ZNF419: variants seen among roughly 807,000 people sequenced by gnomAD.
The protein encoded by ZNF419 is zinc finger protein 419, also known as zinc finger protein 419A.
Under a neutral mutation model 14.9 loss-of-function variants are expected in ZNF419, and 8 were observed. That is an observed-to-expected ratio of 0.54 (90% CI 0.32 to 0.97). The LOEUF (loss-of-function observed/expected upper bound fraction) is 0.97. ZNF419 is among the 50% of genes least tolerant of loss of function. ZNF419 has a pLI of 0.04. For missense variants in ZNF419, 595 were observed against 607.2 expected, an observed-to-expected ratio of 0.98 and a Z score of 0.21; for synonymous variants, 211 against 205.3, an observed-to-expected ratio of 1.03 and a Z score of -0.24.
chr19:57,492,722 C>A, intron 4 of ZNF419, 134 bp from the exon 5 acceptor site: 1 of 1,272,048 alleles, frequency 7.9e-7, no homozygotes, highest in Non-Finnish European at 1.1e-6. Flanking sequence ...CCCTTCCCTG[C>A]TGAGAGCTAG....
rs572483159 is a variant in ZNF419 at position 57,492,686 on chromosome 19, G to T, written c.299-170G>T. On this transcript the variant is annotated intron_variant, in intron 4 of 4. Coordinates refer to ENST00000221735, the MANE Select transcript of ZNF419 (RefSeq NM_024691.4). ...TGAGGCCTCCCCAAATCCTTGAGCT[G>T]GCCAGATTCAGCACTGCACAGCAGG... The T allele has an allele frequency of 2.7e-5, 25 of 941,056 alleles. No homozygotes were observed. In the South Asian group the frequency reaches 3.2e-4, roughly 12 times the overall value. 58.3% of individuals were successfully genotyped at this position (941,056 alleles called of 1,614,324 possible). A position where few individuals can be genotyped will look rare whatever the true frequency, so the allele number is the denominator to read the frequency against.
In ZNF419 at chr19:57,487,824, G is replaced by GGCACGGTGGCGAC. The variant is rs1455619597; in HGVS notation, c.-126_-114dup. The GGCACGGTGGCGAC allele has an allele frequency of 7.2e-7, 1 of 1,394,986 alleles. No individual in the cohort carries two copies. The highest frequency in any genetic ancestry group is 1.4e-5 in the African/African-American group (1 of 70,160). The allele number at this position is 1,394,986 out of a possible 1,614,324, so 86.4% of individuals were successfully genotyped here. A position where few individuals can be genotyped will look rare whatever the true frequency, so the allele number is the denominator to read the frequency against. On this transcript the variant is annotated 5_prime_UTR_variant, in exon 1 of 5. Coordinates refer to ENST00000221735, the MANE Select transcript of ZNF419 (RefSeq NM_024691.4). Reference sequence around the variant, plus strand: ...TGCGCTGAGGCGACCAGCGCCGGAAGGCACGGTGGCGACTCACGCTGTTCT... The same window carrying GGCACGGTGGCGAC: ...TGCGCTGAGGCGACCAGCGCCGGAAGGCACGGTGGCGACGCACGGTGGCGACTCACGCTGTTCT...
chr19:57,494,311 C>T lies in ZNF419; in HGVS notation c.*221C>T. 1 of 638,702 alleles carries T rather than the reference C, an allele frequency of 1.6e-6. No individual in the cohort carries two copies. Among genetic ancestry groups the T allele is most frequent in the Non-Finnish European group, 2.5e-6 (1 of 395,364 alleles). 39.6% of individuals were successfully genotyped at this position (638,702 alleles called of 1,614,324 possible). On this transcript the variant is annotated 3_prime_UTR_variant, in exon 5 of 5. Transcript: ENST00000221735. ...CCAGAAAGTTTACACTGGAGAAAGG[C>T]CTTAGGGTGACAGGTTATGTACTGT...
rs762294824 is a variant in ZNF419 at position 57,493,694 on chromosome 19, T to C, written c.1137T>C (p.Phe379=). ...ACAAGTGCAGCGACTGTGGGAAATT[T>C]TTTACCCAATGCTCAAGCCTCATGC... ...RPYKCSDCGK[F]FTQCSSLMQH... is the part of the protein sequence containing the mutation. The change falls in exon 5 of 5, where the codon TTT becomes TTC. Residue 379 remains phenylalanine, a synonymous_variant. Coordinates refer to ENST00000221735, the MANE Select transcript of ZNF419 (RefSeq NM_024691.4). 3.4e-5 allele frequency: 55 copies of C among 1,612,798 alleles called. No individual in the cohort carries two copies. Among genetic ancestry groups the C allele is most frequent in the Non-Finnish European group, 4.7e-5 (55 of 1,179,686 alleles).
At chr19:57,492,803 G>T (rs1358168657) in intron 4 of ZNF419, 53 bp from the exon 5 acceptor site, 9 of 1,611,172 alleles carry the variant, frequency 5.6e-6, no homozygotes, top group African/African-American at 1.3e-5. Context: ...TGAGAGTGCT[G>T]CCTCCTCACA....
Position 57,495,725 on chromosome 19 carries a change from C to CAAAAAAAAAAAAAAA in ZNF419, c.*1665_*1679dup, listed in dbSNP as rs532907966. On this transcript the variant is annotated 3_prime_UTR_variant, in exon 5 of 5. Coordinates refer to ENST00000221735, the MANE Select transcript of ZNF419 (RefSeq NM_024691.4). Reference sequence around the variant, plus strand: ...TGGGGCACAAAGCCAGACTCTGTCTCAAAAAAAAAAAAAAAAAAAAAAAAA... The same window carrying CAAAAAAAAAAAAAAA: ...TGGGGCACAAAGCCAGACTCTGTCTCAAAAAAAAAAAAAAAAAAAAAAAAAAAAAAAAAAAAAAAA... 2.0e-5 allele frequency: 1 copy of CAAAAAAAAAAAAAAA among 49,190 alleles called. No homozygotes were observed. Among genetic ancestry groups the CAAAAAAAAAAAAAAA allele is most frequent in the African/African-American group, 8.6e-5 (1 of 11,566 alleles). The allele number at this position is 49,190 out of a possible 1,614,324, so 3.0% of individuals were successfully genotyped here.
chr19:57,490,372 A>C, intron 2 of ZNF419, 187 bp downstream of exon 2: 1 of 427,462 alleles, frequency 2.3e-6, no homozygotes, highest in Non-Finnish European at 4.1e-6. Context: ...ATTTTCTTTT[A>C]AGACAGAGTT....
chr19:57,494,496 G>A lies in ZNF419; in HGVS notation c.*406G>A, dbSNP rs2089584147. 5.4e-6 allele frequency: 1 copy of A among 185,202 alleles called. No homozygotes were observed. The highest frequency in any genetic ancestry group is 1.1e-5 in the Non-Finnish European group (1 of 90,396). The allele number at this position is 185,202 out of a possible 1,614,324, so 11.5% of individuals were successfully genotyped here. ...TGAGAAGACAGCCCTCTGCCTTGGAGCTCCAGAGAGAGGGAGCCCTGTATT... is the reference window on the plus strand; with the variant it reads ...TGAGAAGACAGCCCTCTGCCTTGGAACTCCAGAGAGAGGGAGCCCTGTATT... On this transcript the variant is annotated 3_prime_UTR_variant, in exon 5 of 5. Coordinates refer to ENST00000221735, the MANE Select transcript of ZNF419 (RefSeq NM_024691.4).
In ZNF419 at chr19:57,495,615, A is replaced by G. The variant is rs1479223922; in HGVS notation, c.*1525A>G. ...GTGGCGGCTGCCTGTAGTTCCAGCT[A>G]TCCTGGAGGCTGAGGCAGGAGAATG... On this transcript the variant is annotated 3_prime_UTR_variant, in exon 5 of 5. Coordinates refer to ENST00000221735, the MANE Select transcript of ZNF419 (RefSeq NM_024691.4). 6.6e-6 allele frequency: 1 copy of G among 151,726 alleles called. No individual in the cohort carries two copies. The highest frequency in any genetic ancestry group is 1.5e-5 in the Non-Finnish European group (1 of 68,002). The allele number at this position is 151,726 out of a possible 1,614,324, so 9.4% of individuals were successfully genotyped here.
intron 3 of ZNF419, 61 bp downstream of exon 3, chr19:57,491,658 T>C: frequency 5.0e-6 from 8 of 1,613,684 alleles, no homozygotes; most frequent in Non-Finnish European, 5.9e-6. Flanking sequence ...CTCCTTTTCC[T>C]AGGGAGAGGT....
Position 57,490,158 on chromosome 19 carries a change from T to G in ZNF419, c.45T>G (p.Ala15=). The G allele has an allele frequency of 6.2e-7, 1 of 1,613,750 alleles. No individual in the cohort carries two copies. The highest frequency in any genetic ancestry group is 2.2e-5 in the East Asian group (1 of 44,866). ...ALRDPAQVPV[A]ADLLTDHEEG... ...TTGATTTTCCATAGGTTCCTGTGGCTGCAGACTTGCTTACAGACCATGAGG... is the reference window on the plus strand; with the variant it reads ...TTGATTTTCCATAGGTTCCTGTGGCGGCAGACTTGCTTACAGACCATGAGG... Residue 15 remains alanine (A), a synonymous_variant, in exon 2 of 5, where the codon GCT becomes GCG. Coordinates refer to ENST00000221735, the MANE Select transcript of ZNF419 (RefSeq NM_024691.4).
At chr19:57,492,288 G>C (rs1723542275) in intron 4 of ZNF419, 77 bp downstream of exon 4, 2 of 1,484,494 alleles carry the variant, frequency 1.3e-6, no homozygotes, top group East Asian at 4.5e-5. Context: ...CAGATATTTT[G>C]ATACCAAGGC....
rs943580567 is a variant in ZNF419 at position 57,496,054 on chromosome 19, A to T, written c.*1964A>T. 2 of 152,190 alleles carry T rather than the reference A, an allele frequency of 1.3e-5. No homozygotes were observed. Among genetic ancestry groups the T allele is most frequent in the African/African-American group, 4.8e-5 (2 of 41,444 alleles). The allele number at this position is 152,190 out of a possible 1,614,324, so 9.4% of individuals were successfully genotyped here. ...GAAAAGGTACAACATGATTTGAGGA[A>T]ATACTGCATTGGAAAATAAATAAAT... On this transcript the variant is annotated 3_prime_UTR_variant, in exon 5 of 5. Coordinates refer to ENST00000221735, the MANE Select transcript of ZNF419 (RefSeq NM_024691.4).
At chr19:57,491,409 C>T (rs547778895) in intron 2 of ZNF419, 62 bp from the exon 3 acceptor site, 2 of 1,602,384 alleles carry the variant, frequency 1.2e-6, no homozygotes, top group Non-Finnish European at 1.7e-6. Flanking sequence ...GATGTTTAGG[C>T]AGATGCCTAA....
In ZNF419 at chr19:57,495,694, C is replaced by G. The variant is rs561140591; in HGVS notation, c.*1604C>G. On this transcript the variant is annotated 3_prime_UTR_variant, in exon 5 of 5. Transcript: ENST00000221735. Reference sequence around the variant, plus strand: ...TGAGCCGAGATTGCGCCACTGCACTCCAGCCTGGGGCACAAAGCCAGACTC... The same window carrying G: ...TGAGCCGAGATTGCGCCACTGCACTGCAGCCTGGGGCACAAAGCCAGACTC... 1 of 117,458 alleles carries G rather than the reference C, an allele frequency of 8.5e-6. No homozygotes were observed. The highest frequency in any genetic ancestry group is 2.8e-4 in the East Asian group (1 of 3,614). 7.3% of individuals were successfully genotyped at this position (117,458 alleles called of 1,614,324 possible).
At position 57,495,890 on chromosome 19, in the gene ZNF419, C is replaced by T. The variant is rs2089604167; in HGVS notation, c.*1800C>T. 6.6e-6 allele frequency: 1 copy of T among 151,686 alleles called. No homozygotes were observed. The highest frequency in any genetic ancestry group is 1.5e-5 in the Non-Finnish European group (1 of 67,982). 9.4% of individuals were successfully genotyped at this position (151,686 alleles called of 1,614,324 possible). A position where few individuals can be genotyped will look rare whatever the true frequency, so the allele number is the denominator to read the frequency against. On this transcript the variant is annotated 3_prime_UTR_variant, in exon 5 of 5. Coordinates refer to ENST00000221735, the MANE Select transcript of ZNF419 (RefSeq NM_024691.4). The stretch of plus-strand genomic sequence containing the variant: ...ATATAGATAAATGTGTACATATTCC[C>T]TATCTTTACTGAGAGCCTAGCAAGC...
rs772935267 is a variant in ZNF419 at position 57,492,476 on chromosome 19, A to G, written c.298+265A>G. On this transcript the variant is annotated intron_variant, in intron 4 of 4. Coordinates refer to ENST00000221735, the MANE Select transcript of ZNF419 (RefSeq NM_024691.4). Reference sequence around the variant, plus strand: ...TGGTGAGGTGGATGCTTATCCTTGCATAGTCCTTGAGCATCAGCTATTTGG... The same window carrying G: ...TGGTGAGGTGGATGCTTATCCTTGCGTAGTCCTTGAGCATCAGCTATTTGG... The G allele has an allele frequency of 7.8e-6, 6 of 766,386 alleles. No individual in the cohort carries two copies. The African/African-American group carries it at 8.5e-5, about 11-fold the overall frequency. 47.5% of individuals were successfully genotyped at this position (766,386 alleles called of 1,614,324 possible).
intron 2 of ZNF419, 35 bp from the exon 3 acceptor site, chr19:57,491,436 G>A (rs539104416): frequency 6.8e-6 from 11 of 1,608,976 alleles, no homozygotes; most frequent in African/African-American, 5.3e-5. Context: ...CAGTAAGGAG[G>A]CTGCAGATAA....
intron 1 of ZNF419, chr19:57,489,898 A>C (rs2089444637): frequency 2.2e-5 from 11 of 510,660 alleles, no homozygotes; most frequent in Admixed American, 9.9e-5. Flanking sequence ...ACACATAAGA[A>C]TGAGTTTGAT....
Sources: allele counts gnomAD v4.1 joint callset, GRCh38; gene constraint gnomAD v4.1.1; transcripts MANE v1.5; gene names NCBI Gene and HGNC (gene_info 2026-07-23, HGNC 2026-07-21).